The following KCNK2 variants were observed in gnomAD, a reference collection of about 807,000 sequenced individuals.
KCNK2 encodes the protein potassium two pore domain channel subfamily K member 2, also known as potassium channel subfamily K member 2.
In KCNK2, 21 loss-of-function variants were observed where a neutral mutation model predicts 40.5. The ratio of observed to expected loss-of-function variants is 0.52; its 90% CI spans 0.37 to 0.75. The LOEUF is 0.75. Ranked by LOEUF, KCNK2 falls within the 30% of genes least tolerant of loss-of-function variation. The pLI is 0.00. For synonymous variants in KCNK2, 191 were observed against 202.2 expected, an observed-to-expected ratio of 0.94 and a Z score of 0.47; for missense variants, 399 against 531.6, an observed-to-expected ratio of 0.75 and a Z score of 2.45.
chr1:215,137,084 A>G (rs1315428046), intron 3 of KCNK2, among the ~76,000 whole-genome samples: 1 of 152,150 alleles, frequency 6.6e-6, no homozygotes, highest in Non-Finnish European at 1.5e-5. Flanking sequence ...CATCAGTGAA[A>G]TTGTCTCAAA....
chr1:215,067,693 G>A (rs191549115), intron 1 of KCNK2, among the ~76,000 whole-genome samples: 49 of 152,118 alleles, frequency 3.2e-4, no homozygotes, highest in African/African-American at 9.9e-4. Context: ...GTGAAACCCC[G>A]TCTCTACTAA....
At chr1:215,030,710 T>A (rs1039974409) in intron 1 of KCNK2, among the ~76,000 whole-genome samples, 1 of 4,372 alleles carries the variant, frequency 2.3e-4, no homozygotes, top group Non-Finnish European at 8.5e-4. Context: ...AATTTTTGTA[T>A]TTTTTTTTTT....
intron 6 of KCNK2, among the ~76,000 whole-genome samples, chr1:215,209,447 T>A (rs1208110564): frequency 1.1e-3 from 23 of 21,604 alleles, no homozygotes; most frequent in East Asian, 6.0e-3. Context: ...AAATATATAA[T>A]ATATATTATA....
chr1:215,069,977 G>A (rs1240579775), intron 1 of KCNK2, among the ~76,000 whole-genome samples: 2 of 152,084 alleles, frequency 1.3e-5, no homozygotes, highest in Non-Finnish European at 2.9e-5. Context: ...GGTAATGGTG[G>A]TTACTTACAC....
intron 3 of KCNK2, among the ~76,000 whole-genome samples, chr1:215,136,106 C>T (rs1368586004): frequency 2.0e-5 from 3 of 151,552 alleles, no homozygotes; most frequent in Non-Finnish European, 4.4e-5. Context: ...AATGTTACCA[C>T]CTTTTTTTTA....
intron 3 of KCNK2, among the ~76,000 whole-genome samples, chr1:215,153,675 C>T (rs181337980): frequency 3.7e-4 from 56 of 151,636 alleles, no homozygotes; most frequent in African/African-American, 1.3e-3. Context: ...CGTGCAGGTT[C>T]GTTACATAGG....
At chr1:215,116,862 G>A (rs1307254846) in intron 2 of KCNK2, among the ~76,000 whole-genome samples, 1 of 151,784 alleles carries the variant, frequency 6.6e-6, no homozygotes, top group East Asian at 1.9e-4. Flanking sequence ...AATATGCTGG[G>A]GGGGGAACCT....
At chr1:215,177,626 C>A (rs781627820) in intron 5 of KCNK2, among the ~76,000 whole-genome samples, 34 of 150,614 alleles carry the variant, frequency 2.3e-4, no homozygotes, top group Non-Finnish European at 3.4e-4. Flanking sequence ...TTCCTCACTA[C>A]TAATTTTTAT....
intron 1 of KCNK2, among the ~76,000 whole-genome samples, chr1:215,016,448 T>A (rs1245782244): frequency 6.6e-6 from 1 of 152,030 alleles, no homozygotes; most frequent in African/African-American, 2.4e-5. Flanking sequence ...TAGAAATAAA[T>A]CTACCAATTT....
chr1:215,197,630 T>A (rs900835776), intron 6 of KCNK2, among the ~76,000 whole-genome samples: 2 of 152,174 alleles, frequency 1.3e-5, no homozygotes, highest in African/African-American at 2.4e-5. Flanking sequence ...AACATATGAC[T>A]TTTGGGGAGA....
At chr1:215,129,758 C>T (rs1350361229) in intron 3 of KCNK2, among the ~76,000 whole-genome samples, 1 of 152,086 alleles carries the variant, frequency 6.6e-6, no homozygotes, top group African/African-American at 2.4e-5. Flanking sequence ...TCATGTAGGA[C>T]TCTATAGGTC....
intron 6 of KCNK2, among the ~76,000 whole-genome samples, chr1:215,230,528 T>TATACACATAACAGCC (rs1553276494): frequency 0.2 from 17,254 of 87,642 alleles, 1,646 homozygotes; most frequent in Middle Eastern, 0.28. Flanking sequence ...TATATATATA[T>TATACACATAACAGCC]ATATGTATAT....
chr1:215,169,581 A>C (rs1312135671), intron 4 of KCNK2, among the ~76,000 whole-genome samples: 2 of 152,104 alleles, frequency 1.3e-5, no homozygotes, highest in East Asian at 3.9e-4. Context: ...AAGTATAAAC[A>C]GAAAAAAGTA....
intron 6 of KCNK2, among the ~76,000 whole-genome samples, chr1:215,209,414 T>TTA (rs1330236697): frequency 5.1e-4 from 13 of 25,334 alleles, no homozygotes; most frequent in African/African-American, 1.7e-3. Context: ...TATGCATATA[T>TTA]TATATATAAT....
intron 3 of KCNK2, among the ~76,000 whole-genome samples, chr1:215,148,140 T>C (rs1483870838): frequency 7.3e-6 from 1 of 136,242 alleles, no homozygotes; most frequent in Non-Finnish European, 1.5e-5. Flanking sequence ...GATGCAGTGG[T>C]GTGATCATGG....
Position 215,235,152 on chromosome 1 carries a change from C to G in KCNK2, c.*7C>G. 6.3e-7 allele frequency: 1 copy of G among 1,589,488 alleles called. No individual in the cohort carries two copies. Among genetic ancestry groups the G allele is most frequent in the Non-Finnish European group, 8.6e-7 (1 of 1,161,726 alleles). ...GATTGAGAACATCAAATAGCCCTCT[C>G]TTTAAATAACCTTAGGCATAGCCAT... On this transcript the variant is annotated 3_prime_UTR_variant, in exon 7 of 7. Transcript: ENST00000444842.
In KCNK2 at chr1:215,148,246, AT is replaced by A. The variant is rs1017846546; in HGVS notation, c.476-20943del. Reference sequence around the variant, plus strand: ...AGGTGCATACCACCACACCTGGCTAATTTTTTTTTTCAAAGATGGGGTTTCT... The same window carrying A: ...AGGTGCATACCACCACACCTGGCTAATTTTTTTTTCAAAGATGGGGTTTCT... On this transcript the variant is annotated intron_variant, in intron 3 of 6. Coordinates refer to ENST00000444842, the MANE Select transcript of KCNK2 (RefSeq NM_001017425.3). 3.2e-4 allele frequency among the ~76,000 whole-genome samples: 47 copies of A among 145,718 alleles called. 1 individual carries two copies. The East Asian group carries it at 7.7e-3, about 24-fold the overall frequency.
intron 2 of KCNK2, among the ~76,000 whole-genome samples, chr1:215,116,097 A>G (rs1170943642): frequency 6.6e-6 from 1 of 151,930 alleles, no homozygotes; most frequent in African/African-American, 2.4e-5. Flanking sequence ...ACTTGCCCTT[A>G]GACATTAGAC....
chr1:215,167,005 G>C (rs903249315), intron 3 of KCNK2, among the ~76,000 whole-genome samples: 2 of 151,986 alleles, frequency 1.3e-5, no homozygotes, highest in African/African-American at 2.4e-5. Context: ...TAGATACATT[G>C]AAAACAAATC....
Sources: allele counts gnomAD v4.1 joint callset (sites outside exome capture counted in the v4.1 genomes callset), GRCh38; gene constraint gnomAD v4.1.1; transcripts MANE v1.5; gene names NCBI Gene and HGNC (gene_info 2026-07-23, HGNC 2026-07-21).